SPHK2: variants seen among roughly 807,000 people sequenced by gnomAD.
The protein encoded by SPHK2 is sphingosine kinase 2.
Under a neutral mutation model 32.3 loss-of-function variants are expected in SPHK2, and 18 were observed. That is an observed-to-expected ratio of 0.56 (90% CI 0.39 to 0.83). The LOEUF is 0.83. Among genes scored for constraint, SPHK2 ranks in the 40% least tolerant of loss-of-function variants. The pLI is 0.00. For missense variants in SPHK2, 850 were observed against 908.7 expected, an observed-to-expected ratio of 0.94 and a Z score of 0.83; for synonymous variants, 462 against 417.6, an observed-to-expected ratio of 1.11 and a Z score of -1.30.
In SPHK2 at chr19:48,629,229, C is replaced by T. The variant is rs779496594; in HGVS notation, c.1421C>T (p.Pro474Leu). 2.1e-5 allele frequency: 34 copies of T among 1,613,582 alleles called. No homozygotes were observed. Among genetic ancestry groups the T allele is most frequent in the Non-Finnish European group, 2.8e-5 (33 of 1,179,934 alleles). Residue 474 changes from proline to leucine, a missense_variant, in exon 7 of 7, where the codon CCT becomes CTT. By Grantham distance (98) the Pro-to-Leu change is moderately conservative (BLOSUM62 -3). Coordinates refer to ENST00000245222, the MANE Select transcript of SPHK2 (RefSeq NM_020126.5). ...TCCCCGGACCCACTGCTGTCTTCAC[C>T]TCCTGGCTCTCCCAAGGCAGCTCTA... ...PLSPDPLLSS[P>L]PGSPKAALHS...
Position 48,629,592 on chromosome 19 carries a change from T to C in SPHK2, c.1784T>C (p.Leu595Pro), listed in dbSNP as rs754083757. 1.9e-6 allele frequency: 3 copies of C among 1,599,618 alleles called. No homozygotes were observed. The highest frequency in any genetic ancestry group is 2.6e-6 in the Non-Finnish European group (3 of 1,173,412). ...LAMERGSHFS[L>P]GCPQLGYAAA... ...ATGGAGCGTGGTAGCCACTTCAGCCTGGGCTGTCCGCAGCTGGGCTACGCC... is the reference window on the plus strand; with the variant it reads ...ATGGAGCGTGGTAGCCACTTCAGCCCGGGCTGTCCGCAGCTGGGCTACGCC... The change falls in exon 7 of 7, where the codon CTG becomes CCG. Residue 595 changes from leucine (L) to proline (P), a missense_variant. By Grantham distance (98) the Leu-to-Pro change is moderately conservative (BLOSUM62 -3). Coordinates refer to ENST00000245222, the MANE Select transcript of SPHK2 (RefSeq NM_020126.5).
In SPHK2 at chr19:48,627,827, A is replaced by T. The variant is rs1022061715; in HGVS notation, c.647A>T (p.Asn216Ile). Residue 216 changes from asparagine to isoleucine, a missense_variant, in exon 4 of 7, where the codon AAC becomes ATC. Physicochemically the swap from Asn to Ile is moderately radical, Grantham distance 149. Coordinates refer to ENST00000245222, the MANE Select transcript of SPHK2 (RefSeq NM_020126.5). ...ATCTCTGAAGCTGGGCTGTCCTTCAACCTCATCCAGACAGGTAAGGGCCAG... is the reference window on the plus strand; with the variant it reads ...ATCTCTGAAGCTGGGCTGTCCTTCATCCTCATCCAGACAGGTAAGGGCCAG... The part of the protein sequence containing the change: ...PMISEAGLSF[N>I]LIQTERQNHA... 1 of 1,612,308 alleles carries T rather than the reference A, an allele frequency of 6.2e-7. No homozygotes were observed. Among genetic ancestry groups the T allele is most frequent in the East Asian group, 2.2e-5 (1 of 44,872 alleles).
At chr19:48,626,661 A>C (rs1232002272) in intron 3 of SPHK2, 1 of 287,184 alleles carries the variant, frequency 3.5e-6, no homozygotes, top group Non-Finnish European at 6.6e-6. Flanking sequence ...CTAAAAATAC[A>C]AAAAATTAGC....
intron 2 of SPHK2, chr19:48,624,826 G>A (rs921160748): frequency 1.9e-5 from 17 of 879,370 alleles, no homozygotes; most frequent in Non-Finnish European, 2.3e-5. Context: ...AGAGCCGCTG[G>A]GGATAGGGGG....
Position 48,629,624 on chromosome 19 carries a change from C to G in SPHK2, c.1816C>G (p.Arg606Gly), listed in dbSNP as rs747839632. ...TCCGCAGCTGGGCTACGCCGCGGCC[C>G]GTGCCTTCCGCCTAGAGCCGCTCAC... ...GCPQLGYAAA[R>G]AFRLEPLTPR... Residue 606 changes from arginine to glycine, a missense_variant, in exon 7 of 7, where the codon CGT becomes GGT. This residue lies in a region of SPHK2 where 306 missense variants were observed against 268.6 expected (regional missense o/e 1.14). Transcript: ENST00000245222. 8.1e-6 allele frequency: 13 copies of G among 1,599,354 alleles called. No individual in the cohort carries two copies. The highest frequency in any genetic ancestry group is 1.1e-5 in the Non-Finnish European group (13 of 1,173,748).
intron 2 of SPHK2, 65 bp downstream of exon 2, chr19:48,620,618 T>TAAAAAA (rs34009920): frequency 1.3e-5 from 13 of 1,026,488 alleles, no homozygotes; most frequent in African/African-American, 5.2e-5. Flanking sequence ...AGCTTTTCTT[T>TAAAAAA]AAAAAAAAAA....
At position 48,620,618 on chromosome 19, in the gene SPHK2, T is replaced by TAAA. The variant is rs34009920; in HGVS notation, c.39+81_39+83dup. The stretch of plus-strand genomic sequence containing the variant: ...AAAGACAAAATCTGAAGCTTTTCTT[T>TAAA]AAAAAAAAAAAAAAAAAATTGGAGG... On this transcript the variant is annotated intron_variant, in intron 2 of 6. Transcript: ENST00000245222. 2.8e-3 allele frequency: 2,867 copies of TAAA among 1,022,406 alleles called. 1 individual carries two copies. The highest frequency in any genetic ancestry group is 3.5e-3 in the East Asian group (124 of 35,076). 63.3% of individuals were successfully genotyped at this position (1,022,406 alleles called of 1,614,324 possible).
intron 2 of SPHK2, chr19:48,625,129 G>C: frequency 2.0e-6 from 2 of 996,402 alleles, no homozygotes; most frequent in Admixed American, 1.1e-4. Flanking sequence ...GCGCTCGCAT[G>C]TGGCTCCTCT....
In SPHK2 at chr19:48,629,886, C is replaced by T. The variant is rs2030443496; in HGVS notation, c.*113C>T. On this transcript the variant is annotated 3_prime_UTR_variant, in exon 7 of 7. Transcript: ENST00000245222. ...AGTTGTGGTGGCAGGGGCCCTGGCCCCGTCTCAGGATTGCGCTCGCTTTCA... is the reference window on the plus strand; with the variant it reads ...AGTTGTGGTGGCAGGGGCCCTGGCCTCGTCTCAGGATTGCGCTCGCTTTCA... The T allele has an allele frequency of 6.9e-7, 1 of 1,451,078 alleles. No homozygotes were observed. 89.9% of individuals were successfully genotyped at this position (1,451,078 alleles called of 1,614,324 possible). A position where few individuals can be genotyped will look rare whatever the true frequency, so the allele number is the denominator to read the frequency against.
rs141842635 is a variant in SPHK2, at chr19:48,625,727, C to T, written c.40-164C>T. 3 of 1,535,164 alleles carry T rather than the reference C, an allele frequency of 2.0e-6. No homozygotes were observed. The Admixed American group carries it at 5.9e-5, about 30-fold the overall frequency. ...CTCTGGGATGCTGGCCTCTGTCCCG[C>T]ATCCTCAAGGTCTGCCCACACCTGT... On this transcript the variant is annotated intron_variant, in intron 2 of 6. Coordinates refer to ENST00000245222, the MANE Select transcript of SPHK2 (RefSeq NM_020126.5).
chr19:48,629,109 C>T lies in SPHK2; in HGVS notation c.1301C>T (p.Ser434Phe). Residue 434 changes from serine to phenylalanine, a missense_variant, in exon 7 of 7, where the codon TCT (serine) becomes TTT (phenylalanine). Physicochemically the swap from Ser to Phe is radical, Grantham distance 155. Coordinates refer to ENST00000245222, the MANE Select transcript of SPHK2 (RefSeq NM_020126.5). ...CCCCTGCCCCAGCCTGCCCTGGCCTCTCCTGGCTCGCCAGAACCCCTGCCC... is the reference window on the plus strand; with the variant it reads ...CCCCTGCCCCAGCCTGCCCTGGCCTTTCCTGGCTCGCCAGAACCCCTGCCC... ...PLPLPQPALA[S>F]PGSPEPLPIL... 2.5e-6 allele frequency: 4 copies of T among 1,613,522 alleles called. No individual in the cohort carries two copies.
rs1601167373 is a variant in SPHK2 at position 48,628,468 on chromosome 19, G to A, written c.872+191G>A. On this transcript the variant is annotated intron_variant, in intron 6 of 6. Coordinates refer to ENST00000245222, the MANE Select transcript of SPHK2 (RefSeq NM_020126.5). The surrounding 1 kb of genome is among the most constrained non-coding windows in gnomAD (Gnocchi z 5.2). ...ATCCCGAGCGCCCAGAACTCTGCCT[G>A]GCATGGGAGGCACTCAGTGAATTGT... 3.4e-6 allele frequency: 3 copies of A among 889,440 alleles called. No homozygotes were observed. The highest frequency in any genetic ancestry group is 5.6e-6 in the Non-Finnish European group (3 of 533,238). The allele number at this position is 889,440 out of a possible 1,614,324, so 55.1% of individuals were successfully genotyped here. A position where few individuals can be genotyped will look rare whatever the true frequency, so the allele number is the denominator to read the frequency against.
chr19:48,623,522 A>T (rs1974490192), intron 2 of SPHK2: 2 of 152,278 alleles, frequency 1.3e-5, no homozygotes, highest in Non-Finnish European at 2.9e-5. Flanking sequence ...GCCTCGGTGC[A>T]TCTGTCAACA....
chr19:48,629,075 C>A lies in SPHK2; in HGVS notation c.1267C>A (p.Leu423Met), dbSNP rs761611411. 6.2e-7 allele frequency: 1 copy of A among 1,613,464 alleles called. No individual in the cohort carries two copies. Among genetic ancestry groups the A allele is most frequent in the African/African-American group, 1.3e-5 (1 of 75,060 alleles). ...ACCCCTGCATCGTTCTGTGTCTGAC[C>A]TGCCTCTTCCCCTGCCCCAGCCTGC... is the stretch of plus-strand genomic sequence containing the variant. Reference protein sequence around the residue: ...HSPLHRSVSDLPLPLPQPALA... With the variant: ...HSPLHRSVSDMPLPLPQPALA... The change falls in exon 7 of 7, where the codon CTG (leucine) becomes ATG (methionine). Residue 423 changes from leucine to methionine, a missense_variant. Leu to Met is a conservative substitution (Grantham distance 15). Around this residue, in one of 2 missense-constraint regions of SPHK2, gnomAD observed 544 missense variants for 640.0 expected, o/e 0.85. Transcript: ENST00000245222.
Position 48,628,273 on chromosome 19 carries a change from G to A in SPHK2, c.868G>A (p.Gly290Arg), listed in dbSNP as rs921657758. The A allele has an allele frequency of 1.9e-6, 3 of 1,612,628 alleles. No homozygotes were observed. The highest frequency in any genetic ancestry group is 1.7e-6 in the Non-Finnish European group (2 of 1,179,446). The change falls in exon 6 of 7, where the codon GGG becomes AGG. Residue 290 changes from glycine (G) to arginine (R), a missense_variant. Coordinates refer to ENST00000245222, the MANE Select transcript of SPHK2 (RefSeq NM_020126.5). The surrounding 1 kb of genome is among the most constrained non-coding windows in gnomAD (Gnocchi z 5.2). ...GCTGGCCGGAGCAGTGAACCAGCAC[G>A]GGGGGTAGGTTGAGGATACCACGAA... ...NALAGAVNQH[G>R]GFEPALGLDL...
chr19:48,624,382 G>C (rs1310085993), intron 2 of SPHK2: 1 of 152,590 alleles, frequency 6.6e-6, no homozygotes, highest in African/African-American at 2.4e-5. Flanking sequence ...AGGTCTGATG[G>C]GGGCTGTTGG....
At chr19:48,625,706 G>T in intron 2 of SPHK2, 185 bp from the exon 3 acceptor site, 1 of 1,535,044 alleles carries the variant, frequency 6.5e-7, no homozygotes, top group Non-Finnish European at 8.7e-7. Flanking sequence ...GGCCCCCTCT[G>T]GGATGCTGGC....
In SPHK2 at chr19:48,630,212, T is replaced by G; in HGVS notation, c.*439T>G. On this transcript the variant is annotated 3_prime_UTR_variant, in exon 7 of 7. Transcript: ENST00000245222. This position sits in a 1 kb window ranked among gnomAD's most constrained non-coding sequence, Gnocchi z 4.9. ...CGCCCCATCCACTCCGGTGCCTCCA[T>G]TTAGCTGGCCAATCAGCCCAGGAGG... 8.0e-7 allele frequency: 1 copy of G among 1,252,540 alleles called. No homozygotes were observed. Among genetic ancestry groups the G allele is most frequent in the Non-Finnish European group, 1.0e-6 (1 of 997,402 alleles). 77.6% of individuals were successfully genotyped at this position (1,252,540 alleles called of 1,614,324 possible). A position where few individuals can be genotyped will look rare whatever the true frequency, so the allele number is the denominator to read the frequency against.
intron 3 of SPHK2, among the ~76,000 whole-genome samples, chr19:48,627,253 G>A (rs1482767402): frequency 6.6e-6 from 1 of 152,258 alleles, no homozygotes; most frequent in African/African-American, 2.4e-5. Flanking sequence ...CTTGACCACA[G>A]GTGAGTCACC....
Sources: gnomAD v4.1 joint callset for allele counts (sites outside exome capture counted in the v4.1 genomes callset) on GRCh38, gnomAD v4.1.1 for gene constraint, gnomAD v4.1.1 regional missense constraint, Gnocchi (gnomAD v3.1) non-coding constraint, MANE v1.5 for transcripts, NCBI Gene and HGNC (gene_info 2026-07-23, HGNC 2026-07-21) for gene names.